ANKRD18B: variants seen among roughly 807,000 people sequenced by gnomAD.
ANKRD18B encodes ankyrin repeat domain 18B.
ANKRD18B carries 75 observed loss-of-function variants against 111.8 expected under a neutral mutation model. That is an observed-to-expected ratio of 0.67 (90% CI 0.56 to 0.81). The LOEUF (loss-of-function observed/expected upper bound fraction) is 0.81, where lower values mean the gene tolerates loss of function less well. ANKRD18B is among the 40% of genes least tolerant of loss of function. The pLI is 0.00. For missense variants in ANKRD18B, 1,038 were observed against 1,225.5 expected (o/e 0.85, Z 2.28); for synonymous variants, 356 against 417.3 (o/e 0.85, Z 1.79).
intron 10 of ANKRD18B, among the ~76,000 whole-genome samples, chr9:33,545,794 G>A (rs527832903): frequency 7.2e-5 from 11 of 152,284 alleles, no homozygotes; most frequent in African/African-American, 2.6e-4. Flanking sequence ...CTATAAAAGA[G>A]GTTCCCTTGC....
At chr9:33,553,336 C>T (rs1828474662) in intron 12 of ANKRD18B, among the ~76,000 whole-genome samples, 1 of 151,972 alleles carries the variant, frequency 6.6e-6, no homozygotes, top group South Asian at 2.1e-4. Context: ...CCACTGCACT[C>T]CAGCCTGGGT....
rs1587277383 is a variant in ANKRD18B, at chr9:33,566,565, A to G, written c.2742+65A>G. ...TTTCATTTATTTCACTGCAAACTGT[A>G]TTTTGGATGTGTATATATTGTGTTT... On this transcript the variant is annotated intron_variant, in intron 15 of 18. Coordinates refer to ENST00000684830, the MANE Select transcript of ANKRD18B (RefSeq NM_001393611.1). The G allele has an allele frequency of 6.5e-6, 10 of 1,548,658 alleles. No homozygotes were observed. The East Asian group carries it at 2.3e-4, about 36-fold the overall frequency.
At chr9:33,531,679 T>C (rs559636633) in intron 3 of ANKRD18B, among the ~76,000 whole-genome samples, 30 of 150,964 alleles carry the variant, frequency 2.0e-4, no homozygotes, top group African/African-American at 6.7e-4. Context: ...TTTTATAGTA[T>C]ATTTTCATAA....
Position 33,572,545 on chromosome 9 carries a change from T to C in ANKRD18B, c.*111T>C, listed in dbSNP as rs1432299309. On this transcript the variant is annotated 3_prime_UTR_variant, in exon 19 of 19. Transcript: ENST00000684830. ...AGTAGAATATTTTCATATCATATGA[T>C]GTATATTTATATGTTATTTTAAATG... is the stretch of plus-strand genomic sequence containing the variant. The C allele has an allele frequency of 7.5e-7, 1 of 1,339,510 alleles. No individual in the cohort carries two copies. Among genetic ancestry groups the C allele is most frequent in the Non-Finnish European group, 9.7e-7 (1 of 1,034,952 alleles). The allele number at this position is 1,339,510 out of a possible 1,614,324, so 83.0% of individuals were successfully genotyped here.
intron 1 of ANKRD18B, among the ~76,000 whole-genome samples, chr9:33,525,573 A>G (rs185446472): frequency 6.6e-6 from 1 of 152,060 alleles, no homozygotes; most frequent in African/African-American, 2.4e-5. Context: ...TACCAGAAGA[A>G]AACACAAAGA....
chr9:33,558,938 CAATA>C (rs1327450735), intron 14 of ANKRD18B, among the ~76,000 whole-genome samples: 2 of 151,968 alleles, frequency 1.3e-5, no homozygotes, highest in Non-Finnish European at 2.9e-5. Flanking sequence ...AATCATAAAT[CAATA>C]TGAGGAAGGC....
At position 33,548,130 on chromosome 9, in the gene ANKRD18B, G is replaced by A. The variant is rs1209699465; in HGVS notation, c.1342G>A (p.Glu448Lys). ...ANFEKSVRLN[E>K]EMITKKVAQY... ...CTTTGAAAAGAGTGTAAGACTCAAT[G>A]AAGAAATGATAACAAAAAAAGTGGC... The change falls in exon 11 of 19, where the codon GAA (glutamate) becomes AAA (lysine). Residue 448 changes from glutamate (E) to lysine (K), a missense_variant. Transcript: ENST00000684830. 1.3e-6 allele frequency: 2 copies of A among 1,534,878 alleles called. No individual in the cohort carries two copies. Among genetic ancestry groups the A allele is most frequent in the Non-Finnish European group, 8.8e-7 (1 of 1,141,406 alleles).
chr9:33,565,277 C>T (rs1359572173), intron 14 of ANKRD18B, among the ~76,000 whole-genome samples: 1 of 152,096 alleles, frequency 6.6e-6, no homozygotes, highest in Non-Finnish European at 1.5e-5. Context: ...TGTCCTTTCC[C>T]CAATGTATGT....
intron 11 of ANKRD18B, 64 bp downstream of exon 11, chr9:33,548,919 G>A: frequency 2.3e-6 from 3 of 1,324,310 alleles, no homozygotes; most frequent in Non-Finnish European, 3.0e-6. Context: ...GTGGCTATAT[G>A]TTGAACGTAG....
intron 12 of ANKRD18B, among the ~76,000 whole-genome samples, chr9:33,553,282 C>T (rs1320589979): frequency 1.3e-5 from 2 of 151,764 alleles, no homozygotes; most frequent in Admixed American, 6.6e-5. Flanking sequence ...GTAGGAGGGT[C>T]GCTTGAGCTC....
At position 33,555,807 on chromosome 9, in the gene ANKRD18B, G is replaced by A. The variant is rs965142417; in HGVS notation, c.2317G>A (p.Glu773Lys). ...AAGAAAGAAAAATCGTGAATTAGAA[G>A]AAGAGGCAACTGGGTATGGTTTTCA... ...QIRKKNRELE[E>K]EATGYKKCLE... The change falls in exon 13 of 19, where the codon GAA becomes AAA. Residue 773 changes from glutamate (E) to lysine (K), a missense_variant. Physicochemically the swap from Glu to Lys is moderately conservative, Grantham distance 56. This residue lies in a region of ANKRD18B where 524 missense variants were observed against 677.9 expected (regional missense o/e 0.77). Coordinates refer to ENST00000684830, the MANE Select transcript of ANKRD18B (RefSeq NM_001393611.1). 3 of 1,392,450 alleles carry A rather than the reference G, an allele frequency of 2.2e-6. No individual in the cohort carries two copies. The highest frequency in any genetic ancestry group is 2.8e-6 in the Non-Finnish European group (3 of 1,070,424). 86.3% of individuals were successfully genotyped at this position (1,392,450 alleles called of 1,614,324 possible). A position where few individuals can be genotyped will look rare whatever the true frequency, so the allele number is the denominator to read the frequency against.
At chr9:33,554,041 T>G (rs1455148219) in intron 12 of ANKRD18B, among the ~76,000 whole-genome samples, 4 of 149,478 alleles carry the variant, frequency 2.7e-5, no homozygotes, top group Non-Finnish European at 5.9e-5. Context: ...CACTGCACTC[T>G]AGCCTGGATG....
chr9:33,553,601 G>A (rs62556632), intron 12 of ANKRD18B, among the ~76,000 whole-genome samples: 26,703 of 152,142 alleles, frequency 0.18, 2,903 homozygotes, highest in Non-Finnish European at 0.23. Context: ...GAAGAATCTC[G>A]ATCAGGAAGA....
Position 33,524,626 on chromosome 9 carries a change from A to G in ANKRD18B, c.137A>G (p.Asp46Gly), listed in dbSNP as rs1365837746. ...RKIHRAAIKG[D>G]AAEVEHCLTR... ...ATCCACAGGGCGGCCATCAAGGGCG[A>G]CGCCGCAGAGGTGGAGCACTGCCTG... Residue 46 changes from aspartate (D) to glycine (G), a missense_variant, in exon 1 of 19, where the codon GAC becomes GGC. This residue lies in a region of ANKRD18B where 216 missense variants were observed against 205.1 expected (regional missense o/e 1.05). Transcript: ENST00000684830. 3.9e-6 allele frequency: 6 copies of G among 1,551,450 alleles called. No individual in the cohort carries two copies. The highest frequency in any genetic ancestry group is 5.2e-6 in the Non-Finnish European group (6 of 1,146,912).
chr9:33,547,506 G>A (rs1479580157), intron 10 of ANKRD18B, among the ~76,000 whole-genome samples: 2 of 152,148 alleles, frequency 1.3e-5, no homozygotes, highest in South Asian at 2.1e-4. Context: ...CCAAATAGAT[G>A]TGGAGGTAAA....
chr9:33,550,502 G>C lies in ANKRD18B; in HGVS notation c.2140G>C (p.Glu714Gln). ...KKFSMSESPL[E>Q]GTSHCHINLD... Reference sequence around the variant, plus strand: ...ATTTTCAATGTCAGAGTCTCCACTGGAAGGTACATCACATTGTCATATTAA... The same window carrying C: ...ATTTTCAATGTCAGAGTCTCCACTGCAAGGTACATCACATTGTCATATTAA... The change falls in exon 12 of 19, where the codon GAA (glutamate) becomes CAA (glutamine). Residue 714 changes from glutamate (E) to glutamine (Q), a missense_variant. Glu to Gln is a conservative substitution (Grantham distance 29). Transcript: ENST00000684830. 3 of 1,548,648 alleles carry C rather than the reference G, an allele frequency of 1.9e-6. No homozygotes were observed. The highest frequency in any genetic ancestry group is 2.6e-6 in the Non-Finnish European group (3 of 1,145,632).
chr9:33,567,895 G>T (rs1828710834), intron 16 of ANKRD18B, among the ~76,000 whole-genome samples: 1 of 152,200 alleles, frequency 6.6e-6, no homozygotes, highest in African/African-American at 2.4e-5. Context: ...GAAAAGAAGG[G>T]TAATCCACAA....
At chr9:33,567,509 C>CT (rs897485484) in intron 16 of ANKRD18B, among the ~76,000 whole-genome samples, 195 bp downstream of exon 16, 2 of 151,304 alleles carry the variant, frequency 1.3e-5, no homozygotes, top group African/African-American at 2.4e-5. Context: ...TCTCTCTTCT[C>CT]TTTTTTTGCT....
At chr9:33,529,554 G>C (rs1183663656) in intron 3 of ANKRD18B, among the ~76,000 whole-genome samples, 3 of 152,146 alleles carry the variant, frequency 2.0e-5, no homozygotes, top group Admixed American at 6.5e-5. Context: ...GCTGCTGATG[G>C]TTTTCTAACA....
Sources: allele counts gnomAD v4.1 joint callset (sites outside exome capture counted in the v4.1 genomes callset), GRCh38; gene constraint gnomAD v4.1.1; regional missense constraint gnomAD v4.1.1; transcripts MANE v1.5; gene names NCBI Gene and HGNC (gene_info 2026-07-23, HGNC 2026-07-21).